MTFR1: variants seen among roughly 807,000 people sequenced by gnomAD.
The protein encoded by MTFR1 is mitochondrial fission regulator 1, also known as chondrocyte protein with a poly-proline region.
A neutral mutation model predicts 38.8 loss-of-function variants in MTFR1; 28 were observed. That is an observed-to-expected ratio of 0.72 (90% CI 0.53 to 0.99). The LOEUF is 0.99. Ranked by LOEUF, MTFR1 falls within the 50% of genes least tolerant of loss-of-function variation. MTFR1 has a pLI of 0.00. For synonymous variants in MTFR1, 145 were observed against 137.0 expected, an observed-to-expected ratio of 1.06 and a Z score of -0.41; for missense variants, 358 against 395.5, an observed-to-expected ratio of 0.91 and a Z score of 0.81.
chr8:65,700,379 C>G (rs368307289), intron 4 of MTFR1, among the ~76,000 whole-genome samples: 2 of 133,590 alleles, frequency 1.5e-5, no homozygotes, highest in Non-Finnish European at 3.3e-5. Context: ...AAAAAGAAAA[C>G]AAAAAAAAGG....
intron 3 of MTFR1, among the ~76,000 whole-genome samples, chr8:65,689,381 T>C (rs1385551387): frequency 1.3e-5 from 2 of 152,234 alleles, no homozygotes; most frequent in African/African-American, 2.4e-5. Flanking sequence ...CTTTATTAAA[T>C]GAACTGATTT....
intron 3 of MTFR1, among the ~76,000 whole-genome samples, chr8:65,770,158 TGTGTGC>T (rs957767311): frequency 4.4e-5 from 6 of 136,366 alleles, no homozygotes; most frequent in African/African-American, 1.1e-4. Context: ...TGTGTGTGTG[TGTGTGC>T]CACACCTAAT....
At chr8:65,735,001 C>A in intron 3 of MTFR1, 2 of 715,618 alleles carry the variant, frequency 2.8e-6, no homozygotes, top group Non-Finnish European at 5.0e-6. Flanking sequence ...ATGTAGCTAT[C>A]GGCTAAAATC....
At chr8:65,745,432 GAT>G in intron 3 of MTFR1, 1 of 1,572,916 alleles carries the variant, frequency 6.4e-7, no homozygotes. Flanking sequence ...CAAATAGAAA[GAT>G]ATCAAAATTC....
At chr8:65,693,991 C>G (rs1326031473) in intron 4 of MTFR1, among the ~76,000 whole-genome samples, 1 of 151,760 alleles carries the variant, frequency 6.6e-6, no homozygotes, top group Non-Finnish European at 1.5e-5. Context: ...CAGCCTTGAC[C>G]TCCCAGGCTC....
At chr8:65,669,807 CATGTAGACAGTACAAATTCTAAATAATA>C in intron 1 of MTFR1, 38 bp from the exon 2 acceptor site, 1 of 714,028 alleles carries the variant, frequency 1.4e-6, no homozygotes, top group Non-Finnish European at 2.4e-6. Context: ...CTCTGTGAGA[CATGTAGACAGTACAAATTCTAAATAATA>C]ATGATTTCAT....
chr8:65,708,263 A>G lies in MTFR1; in HGVS notation c.933+252A>G, dbSNP rs943274611. 4 of 681,024 alleles carry G rather than the reference A, an allele frequency of 5.9e-6. No homozygotes were observed. In the South Asian group the frequency reaches 7.7e-5, roughly 13 times the overall value. The allele number at this position is 681,024 out of a possible 1,614,324, so 42.2% of individuals were successfully genotyped here. A position where few individuals can be genotyped will look rare whatever the true frequency, so the allele number is the denominator to read the frequency against. ...CATTTGGAAATTTGAAACTTGTAGA[A>G]GAGCAGAAAGAAGAAAGCCAAAGTT... On this transcript the variant is annotated intron_variant, in intron 7 of 7. Transcript: ENST00000262146.
intron 3 of MTFR1, among the ~76,000 whole-genome samples, chr8:65,688,775 CTGG>C (rs1212639752): frequency 1.3e-5 from 2 of 151,922 alleles, no homozygotes; most frequent in Non-Finnish European, 2.9e-5. Flanking sequence ...ATGGAAGCAA[CTGG>C]TAAAAGAGAA....
At chr8:65,735,941 T>C (rs1004895520) in intron 3 of MTFR1, among the ~76,000 whole-genome samples, 2 of 152,082 alleles carry the variant, frequency 1.3e-5, no homozygotes, top group African/African-American at 4.8e-5. Context: ...GTTTTATAAT[T>C]TATATTTTTA....
chr8:65,751,514 C>T (rs1198108961), intron 3 of MTFR1, among the ~76,000 whole-genome samples: 1 of 151,780 alleles, frequency 6.6e-6, no homozygotes, highest in African/African-American at 2.4e-5. Context: ...CTCTTGTTGC[C>T]CATTCTTGTT....
intron 4 of MTFR1, 80 bp from the exon 5 acceptor site, chr8:65,704,614 C>A: frequency 2.6e-6 from 3 of 1,149,154 alleles, no homozygotes; most frequent in Admixed American, 2.0e-5. Context: ...GGTGTTAATG[C>A]GGATACACTG....
At chr8:65,661,848 C>T (rs959425172) in intron 1 of MTFR1, among the ~76,000 whole-genome samples, 1 of 151,988 alleles carries the variant, frequency 6.6e-6, no homozygotes, top group Non-Finnish European at 1.5e-5. Context: ...CCTGCAGTCC[C>T]AGCTACTTGG....
chr8:65,656,188 C>T (rs1169364576), intron 1 of MTFR1, among the ~76,000 whole-genome samples: 1 of 119,414 alleles, frequency 8.4e-6, no homozygotes, highest in African/African-American at 2.7e-5. Flanking sequence ...AAGAGTGAAA[C>T]TCTGTCTCAA....
intron 3 of MTFR1, among the ~76,000 whole-genome samples, chr8:65,736,292 G>A (rs1187595027): frequency 6.6e-6 from 1 of 152,092 alleles, no homozygotes; most frequent in Admixed American, 6.5e-5. Context: ...GCTCACAATG[G>A]TGTGCAATTC....
chr8:65,761,152 C>T (rs1014154260), intron 3 of MTFR1, among the ~76,000 whole-genome samples: 2 of 151,990 alleles, frequency 1.3e-5, no homozygotes, highest in Non-Finnish European at 2.9e-5. Context: ...CTCCGCCTCC[C>T]AGGTCCTGAT....
chr8:65,660,557 C>G (rs902234021), intron 1 of MTFR1, among the ~76,000 whole-genome samples: 1 of 152,180 alleles, frequency 6.6e-6, no homozygotes, highest in African/African-American at 2.4e-5. Flanking sequence ...CTCAGGCCCT[C>G]CCTCAGGCCT....
At chr8:65,739,819 C>G (rs146313424) in intron 3 of MTFR1, among the ~76,000 whole-genome samples, 20 of 152,164 alleles carry the variant, frequency 1.3e-4, no homozygotes, top group African/African-American at 4.8e-4. Flanking sequence ...TTTTCCACAA[C>G]CAAAGAACTG....
At chr8:65,679,189 G>C (rs1033087267) in intron 2 of MTFR1, among the ~76,000 whole-genome samples, 1 of 152,170 alleles carries the variant, frequency 6.6e-6, no homozygotes, top group African/African-American at 2.4e-5. Context: ...CATTCCACTT[G>C]TACTACATCA....
intron 3 of MTFR1, among the ~76,000 whole-genome samples, chr8:65,729,435 T>G (rs1182580550): frequency 7.0e-6 from 1 of 143,828 alleles, no homozygotes; most frequent in African/African-American, 2.6e-5. Flanking sequence ...AGAAAGAAGG[T>G]ACCTGAGATA....
Sources: gnomAD v4.1 joint callset for allele counts (sites outside exome capture counted in the v4.1 genomes callset) on GRCh38, gnomAD v4.1.1 for gene constraint, MANE v1.5 for transcripts, NCBI Gene and HGNC (gene_info 2026-07-23, HGNC 2026-07-21) for gene names.